PRELID2: variants seen among roughly 807,000 people sequenced by gnomAD.
PRELID2 encodes PRELI domain containing 2.
Under a neutral mutation model 28.4 loss-of-function variants are expected in PRELID2, and 25 were observed. The ratio of observed to expected loss-of-function variants is 0.88; its 90% CI spans 0.64 to 1.23. The LOEUF is 1.23. Ranked by LOEUF, PRELID2 falls within the 50% of genes most tolerant of loss-of-function variation. PRELID2 has a pLI of 0.00. For missense variants in PRELID2, 201 were observed against 214.4 expected, an observed-to-expected ratio of 0.94 and a Z score of 0.39; for synonymous variants, 76 against 71.6, an observed-to-expected ratio of 1.06 and a Z score of -0.31.
At chr5:145,425,270 G>T in the PRELID2 span, among the ~76,000 whole-genome samples, 77 of 152,260 alleles carry the variant, frequency 5.1e-4, no homozygotes, top group Middle Eastern at 3.4e-3. Context: ...TGCTGGTTAG[G>T]TTGTGGAGAA....
At chr5:145,258,484 C>G in the PRELID2 span, among the ~76,000 whole-genome samples, 1 of 152,148 alleles carries the variant, frequency 6.6e-6, no homozygotes, top group South Asian at 2.1e-4. Context: ...GCAGATGTCA[C>G]TTTTATCATG....
At chr5:145,545,374 G>A (rs1381097338) in intron 1 of PRELID2, among the ~76,000 whole-genome samples, 4 of 151,182 alleles carry the variant, frequency 2.6e-5, no homozygotes, top group Non-Finnish European at 4.4e-5. Context: ...GGGAGTTTCA[G>A]TTTTACTCAA....
chr5:145,829,471 C>A (rs1389724884), intron 1 of PRELID2, among the ~76,000 whole-genome samples: 1 of 152,138 alleles, frequency 6.6e-6, no homozygotes, highest in Admixed American at 6.5e-5. Flanking sequence ...AAGGAGCCTG[C>A]TGTGTGCTGA....
chr5:145,603,289 C>T (rs1350256784), intron 1 of PRELID2, among the ~76,000 whole-genome samples: 1 of 143,744 alleles, frequency 7.0e-6, no homozygotes, highest in Non-Finnish European at 1.5e-5. Flanking sequence ...ATCAGAGCAG[C>T]TAGAAAAAAA....
chr5:145,278,387 T>C, the PRELID2 span, among the ~76,000 whole-genome samples: 1 of 152,172 alleles, frequency 6.6e-6, no homozygotes, highest in Admixed American at 6.6e-5. Flanking sequence ...TAAAGTCTTA[T>C]CGTGACCAAA....
At chr5:145,696,837 T>C (rs913128489) in intron 1 of PRELID2, among the ~76,000 whole-genome samples, 4 of 151,656 alleles carry the variant, frequency 2.6e-5, no homozygotes, top group African/African-American at 9.7e-5. Context: ...CCAAGACTCA[T>C]CAATAAAAGA....
At chr5:145,829,810 T>C (rs1755462164) in intron 1 of PRELID2, among the ~76,000 whole-genome samples, 1 of 152,216 alleles carries the variant, frequency 6.6e-6, no homozygotes, top group Non-Finnish European at 1.5e-5. Flanking sequence ...GTGTCAGATT[T>C]GCAAGGGAGA....
chr5:145,508,784 T>C (rs1752436792), intron 1 of PRELID2, among the ~76,000 whole-genome samples: 2 of 152,038 alleles, frequency 1.3e-5, no homozygotes, highest in Non-Finnish European at 2.9e-5. Flanking sequence ...AAAACAAACA[T>C]GCAGGAAGTC....
chr5:145,303,768 C>G, the PRELID2 span, among the ~76,000 whole-genome samples: 7 of 152,194 alleles, frequency 4.6e-5, no homozygotes, highest in Non-Finnish European at 1.0e-4. Flanking sequence ...GACTACTTTA[C>G]TGTTGCAATT....
chr5:145,662,497 T>C lies in PRELID2; in HGVS notation n.70+102434A>G, dbSNP rs1581036340. On this transcript the variant is annotated intron_variant and non_coding_transcript_variant, in intron 1 of 2. Coordinates refer to the PRELID2 transcript ENST00000510259. ...AGCAGCTATTTTGTCTTTGCTATAG[T>C]TTGAATGCCCCCTTCAAAACTCATG... 1.3e-5 allele frequency among the ~76,000 whole-genome samples: 2 copies of C among 152,076 alleles called. 1 individual carries two copies. The highest frequency in any genetic ancestry group is 4.1e-4 in the South Asian group (2 of 4,824).
the PRELID2 span, among the ~76,000 whole-genome samples, chr5:145,443,073 G>C: frequency 6.6e-6 from 1 of 151,976 alleles, no homozygotes; most frequent in Non-Finnish European, 1.5e-5. Context: ...CTGCTTTTCT[G>C]GGATAGGAAT....
At chr5:145,602,150 G>A (rs930373838) in intron 1 of PRELID2, among the ~76,000 whole-genome samples, 4 of 152,100 alleles carry the variant, frequency 2.6e-5, no homozygotes, top group Non-Finnish European at 5.9e-5. Context: ...CAGAAGGCTG[G>A]TATATAAAAT....
At chr5:145,453,489 G>A in the PRELID2 span, among the ~76,000 whole-genome samples, 1 of 152,054 alleles carries the variant, frequency 6.6e-6, no homozygotes, top group Non-Finnish European at 1.5e-5. Context: ...TCTACTTTAA[G>A]TTCTGGGATA....
At chr5:145,796,634 C>G in intron 4 of PRELID2, 87 bp from the exon 5 acceptor site, 1 of 653,612 alleles carries the variant, frequency 1.5e-6, no homozygotes, top group Non-Finnish European at 2.5e-6. Flanking sequence ...ATAATTACCA[C>G]TTATAATCAA....
intron 1 of PRELID2, among the ~76,000 whole-genome samples, chr5:145,742,348 T>G (rs1396797259): frequency 7.2e-6 from 1 of 138,062 alleles, no homozygotes; most frequent in Non-Finnish European, 1.5e-5. Context: ...TCTGGCTACA[T>G]CCTACGCCAG....
At position 145,647,479 on chromosome 5, in the gene PRELID2, G is replaced by A. The variant is rs181682809; in HGVS notation, n.70+117452C>T. On this transcript the variant is annotated intron_variant and non_coding_transcript_variant, in intron 1 of 2. Coordinates refer to the PRELID2 transcript ENST00000510259. Reference sequence around the variant, plus strand: ...GGGCTCTGTGGGGGTGGGACCCACCGAGCCAGACCACTTGGGTCCCTGGCT... The same window carrying A: ...GGGCTCTGTGGGGGTGGGACCCACCAAGCCAGACCACTTGGGTCCCTGGCT... Among the ~76,000 whole-genome samples the A allele has an allele frequency of 2.7e-3, 405 of 152,292 alleles. 4 individuals are homozygous for A. Among genetic ancestry groups the A allele is most frequent in the African/African-American group, 8.9e-3 (368 of 41,558 alleles).
chr5:145,350,556 G>A, the PRELID2 span, among the ~76,000 whole-genome samples: 4 of 152,274 alleles, frequency 2.6e-5, no homozygotes, highest in South Asian at 8.3e-4. Context: ...GAAAATGAGT[G>A]TATTCACTCC....
chr5:145,752,018 C>A (rs924462595), downstream of PRELID2, among the ~76,000 whole-genome samples: 1 of 152,080 alleles, frequency 6.6e-6, no homozygotes, highest in Admixed American at 6.6e-5. Context: ...TATGCTGTGG[C>A]TTAACACACC....
intron 6 of PRELID2, among the ~76,000 whole-genome samples, chr5:145,762,978 G>C (rs1388313933): frequency 6.6e-6 from 1 of 152,186 alleles, no homozygotes; most frequent in East Asian, 1.9e-4. Flanking sequence ...AAATCTGTTA[G>C]AAACACAAAT....
Sources: gnomAD v4.1 joint callset for allele counts (sites outside exome capture counted in the v4.1 genomes callset) on GRCh38, gnomAD v4.1.1 for gene constraint, MANE v1.5 for transcripts, NCBI Gene and HGNC (gene_info 2026-07-23, HGNC 2026-07-21) for gene names.